The following RBMS3 variants were observed in gnomAD, a reference collection of about 807,000 sequenced individuals.
RBMS3 encodes the protein RNA binding motif single stranded interacting protein 3.
A neutral mutation model predicts 66.8 loss-of-function variants in RBMS3; 27 were observed. That is an observed-to-expected ratio of 0.40 (90% confidence interval 0.30 to 0.56). The LOEUF (loss-of-function observed/expected upper bound fraction) is 0.56. RBMS3 is among the 20% of genes least tolerant of loss of function. The probability of loss-of-function intolerance (pLI) is 0.40; values close to 1 mark genes in which losing one functional copy is unlikely to be tolerated. For missense variants in RBMS3, 513 were observed against 549.5 expected, an observed-to-expected ratio of 0.93 and a Z score of 0.66; for synonymous variants, 188 against 183.0, an observed-to-expected ratio of 1.03 and a Z score of -0.22.
At chr3:29,998,925 C>A (rs1699430830) in intron 14 of RBMS3, among the ~76,000 whole-genome samples, 1 of 152,002 alleles carries the variant, frequency 6.6e-6, no homozygotes, top group Non-Finnish European at 1.5e-5. Flanking sequence ...CAAATGGGAT[C>A]TAATTAAACT....
intron 5 of RBMS3, among the ~76,000 whole-genome samples, chr3:29,741,662 G>A (rs188726146): frequency 2.0e-5 from 3 of 152,142 alleles, no homozygotes; most frequent in African/African-American, 7.2e-5. Context: ...GGATGTGTTC[G>A]TACAAAGTAT....
intron 1 of RBMS3, among the ~76,000 whole-genome samples, chr3:29,329,588 CTCT>C (rs2035532593): frequency 6.6e-6 from 1 of 151,946 alleles, no homozygotes; most frequent in Non-Finnish European, 1.5e-5. Context: ...TATTCTTTGA[CTCT>C]TCTTTGGGCA....
At chr3:29,761,059 G>A (rs1197272201) in intron 5 of RBMS3, among the ~76,000 whole-genome samples, 2 of 151,984 alleles carry the variant, frequency 1.3e-5, no homozygotes, top group African/African-American at 2.4e-5. Flanking sequence ...ACTTAAATTA[G>A]GGTGAAATAT....
At chr3:29,480,766 G>A (rs1473849346) in intron 2 of RBMS3, among the ~76,000 whole-genome samples, 2 of 152,208 alleles carry the variant, frequency 1.3e-5, no homozygotes, top group African/African-American at 4.8e-5. Flanking sequence ...GTGTATGGAT[G>A]GAAAGGATTT....
chr3:29,388,669 C>G (rs1340164528), intron 1 of RBMS3, among the ~76,000 whole-genome samples: 1 of 152,140 alleles, frequency 6.6e-6, no homozygotes, highest in Non-Finnish European at 1.5e-5. Context: ...CTGCCTCACG[C>G]CATTCTCCGC....
At chr3:29,959,751 A>C (rs1696295398) in intron 12 of RBMS3, among the ~76,000 whole-genome samples, 1 of 152,134 alleles carries the variant, frequency 6.6e-6, no homozygotes, top group African/African-American at 2.4e-5. Flanking sequence ...ATCCTTATTC[A>C]CATGGCAGCA....
chr3:29,340,022 C>T (rs1480555057), intron 1 of RBMS3, among the ~76,000 whole-genome samples: 2 of 152,040 alleles, frequency 1.3e-5, no homozygotes, highest in African/African-American at 4.8e-5. Flanking sequence ...ACAAACATTG[C>T]CTTGCATTTT....
chr3:29,782,032 C>G (rs2056649448), intron 6 of RBMS3, among the ~76,000 whole-genome samples: 1 of 151,404 alleles, frequency 6.6e-6, no homozygotes, highest in Non-Finnish European at 1.5e-5. Flanking sequence ...CTGCCCCCCA[C>G]CTGGTGGTCT....
chr3:29,438,803 A>C (rs2041498136), intron 2 of RBMS3, among the ~76,000 whole-genome samples: 1 of 152,132 alleles, frequency 6.6e-6, no homozygotes, highest in African/African-American at 2.4e-5. Context: ...GTGGTGAGTA[A>C]ATTTAGATAA....
intron 6 of RBMS3, among the ~76,000 whole-genome samples, chr3:29,825,530 A>T (rs145610847): frequency 6.6e-6 from 1 of 151,986 alleles, no homozygotes; most frequent in African/African-American, 2.4e-5. Context: ...AATAAGTCTC[A>T]CTAGATCTGA....
intron 4 of RBMS3, among the ~76,000 whole-genome samples, chr3:29,639,389 A>AT (rs1284145453): frequency 5.3e-5 from 8 of 151,640 alleles, no homozygotes; most frequent in Admixed American, 1.3e-4. Flanking sequence ...TGAAAATTGT[A>AT]TTTTTTTTAT....
intron 8 of RBMS3, among the ~76,000 whole-genome samples, chr3:29,888,890 A>G (rs2059934984): frequency 6.6e-6 from 1 of 151,624 alleles, no homozygotes; most frequent in African/African-American, 2.4e-5. Flanking sequence ...CCTCCGTGCC[A>G]CTGGTTGAAT....
chr3:29,377,959 T>C (rs1315696194), intron 1 of RBMS3, among the ~76,000 whole-genome samples: 2 of 152,214 alleles, frequency 1.3e-5, no homozygotes, highest in Admixed American at 1.3e-4. Flanking sequence ...TCAGCCTATG[T>C]ATATTGATCC....
intron 2 of RBMS3, among the ~76,000 whole-genome samples, chr3:29,472,693 C>T (rs1394477087): frequency 1.3e-5 from 2 of 151,942 alleles, no homozygotes; most frequent in African/African-American, 2.4e-5. Flanking sequence ...GTTGTTCGTT[C>T]CTCCCAGTGG....
In RBMS3 at chr3:29,576,226, C is replaced by A. The variant is rs537578455; in HGVS notation, c.308-10888C>A. Among the ~76,000 whole-genome samples the A allele has an allele frequency of 2.6e-5, 4 of 152,244 alleles. 1 individual carries two copies. The highest frequency in any genetic ancestry group is 9.6e-5 in the African/African-American group (4 of 41,550). On this transcript the variant is annotated intron_variant, in intron 3 of 14. Transcript: ENST00000383767. ...TGGTTTTTGCAGACTCATAGAGGTA[C>A]CACCTTGGTGGTCTTGGGTAAGATC...
chr3:29,505,542 T>G (rs1170628006), intron 3 of RBMS3, among the ~76,000 whole-genome samples: 1 of 151,194 alleles, frequency 6.6e-6, no homozygotes, highest in East Asian at 1.9e-4. Flanking sequence ...TTGTTTTTAC[T>G]CAAGATAGCT....
At position 29,880,710 on chromosome 3, in the gene RBMS3, T is replaced by G. The variant is rs768793757; in HGVS notation, c.745-3452T>G. ...ACAACCCTTTGCTTAACCCATGCCA[T>G]GTTGTTACCCACAATGTTCCAAATG... On this transcript the variant is annotated intron_variant, in intron 7 of 14. Transcript: ENST00000383767. 3.0e-4 allele frequency: 424 copies of G among 1,412,578 alleles called. 1 individual carries two copies. The highest frequency in any genetic ancestry group is 3.8e-4 in the Non-Finnish European group (392 of 1,034,534). The allele number at this position is 1,412,578 out of a possible 1,614,324, so 87.5% of individuals were successfully genotyped here.
intron 10 of RBMS3, among the ~76,000 whole-genome samples, chr3:29,927,861 C>T (rs2060982980): frequency 6.6e-6 from 1 of 152,134 alleles, no homozygotes; most frequent in Admixed American, 6.5e-5. Context: ...AATGCTGAAA[C>T]AGAGTAGAAA....
intron 1 of RBMS3, among the ~76,000 whole-genome samples, chr3:29,359,374 G>T: frequency 6.6e-6 from 1 of 152,164 alleles, no homozygotes; most frequent in East Asian, 1.9e-4. Flanking sequence ...TGTTGAACCA[G>T]CCTTGCATCC....
Sources: allele counts gnomAD v4.1 joint callset (sites outside exome capture counted in the v4.1 genomes callset), GRCh38; gene constraint gnomAD v4.1.1; transcripts MANE v1.5; gene names NCBI Gene and HGNC (gene_info 2026-07-23, HGNC 2026-07-21).